Variants in NPAS2 observed in about 807,000 individuals in gnomAD.
The protein encoded by NPAS2 is neuronal PAS domain-containing protein 2.
Under a neutral mutation model 107.5 loss-of-function variants are expected in NPAS2, and 23 were observed. The observed-to-expected ratio is 0.21, with a 90% CI of 0.15 to 0.30. NPAS2 has a LOEUF of 0.30. Ranked by LOEUF, NPAS2 falls within the 10% of genes least tolerant of loss-of-function variation. The probability of loss-of-function intolerance (pLI) is 1.00; values close to 1 mark genes in which losing one functional copy is unlikely to be tolerated. For synonymous variants in NPAS2, 403 were observed against 417.5 expected (o/e 0.97, Z 0.42); for missense variants, 756 against 1,043.3 (o/e 0.72, Z 3.79).
intron 1 of NPAS2, among the ~76,000 whole-genome samples, chr2:100,893,772 C>A (rs1259828613): frequency 1.3e-5 from 2 of 152,216 alleles, no homozygotes; most frequent in Non-Finnish European, 2.9e-5. Context: ...TGAAACACAG[C>A]CATGCCCACT....
At chr2:100,933,180 A>T (rs1443140391) in intron 4 of NPAS2, among the ~76,000 whole-genome samples, 179 bp downstream of exon 4, 1 of 152,170 alleles carries the variant, frequency 6.6e-6, no homozygotes, top group Non-Finnish European at 1.5e-5. Flanking sequence ...TGTCAAGAAG[A>T]ATCCCAAAAT....
chr2:100,975,043 G>C (rs1194045323), intron 13 of NPAS2, 99 bp downstream of exon 13: 18 of 1,348,540 alleles, frequency 1.3e-5, no homozygotes, highest in Non-Finnish European at 1.8e-5. Flanking sequence ...AGGGCAGTCT[G>C]TGCCTCCGAC....
chr2:100,821,070 C>G, intron 1 of NPAS2: 4 of 1,304,220 alleles, frequency 3.1e-6, no homozygotes, highest in South Asian at 1.2e-5. Context: ...CCTTTCCCAG[C>G]CGAGGAGGGA....
In NPAS2 at chr2:100,993,436, AGGC is replaced by A. The variant is rs1466032831; in HGVS notation, c.2204_2206del (p.Ala735del). 2 of 1,613,468 alleles carry A rather than the reference AGGC, an allele frequency of 1.2e-6. No homozygotes were observed. Among genetic ancestry groups the A allele is most frequent in the Admixed American group, 1.7e-5 (1 of 59,958 alleles). On this transcript the variant is annotated inframe_deletion, in exon 20 of 21. Coordinates refer to ENST00000335681, the MANE Select transcript of NPAS2 (RefSeq NM_002518.4). ...CCGATGCCCGTCCTGCTGATGGGGC[AGGC>A]GGTGCTCCACCCCAGCTTCCCTGCC...
rs570193616 is a variant in NPAS2, at chr2:100,884,948, A to G, written c.-22-19785A>G. The stretch of plus-strand genomic sequence containing the variant: ...ATGGCCTAAGATCCTTTATATATAT[A>G]TATAATTTTTTTTTTTTTGAGACGG... On this transcript the variant is annotated intron_variant, in intron 1 of 20. Transcript: ENST00000335681. Among the ~76,000 whole-genome samples, 11 of 138,788 alleles carry G rather than the reference A, an allele frequency of 7.9e-5. No homozygotes were observed. In the South Asian group the frequency reaches 1.8e-3, roughly 23 times the overall value. 91.1% of individuals were successfully genotyped at this position (138,788 alleles called of 152,430 possible). A position where few individuals can be genotyped will look rare whatever the true frequency, so the allele number is the denominator to read the frequency against.
chr2:100,984,541 A>C (rs1219734902), intron 16 of NPAS2: 1 of 152,222 alleles, frequency 6.6e-6, no homozygotes, highest in East Asian at 1.9e-4. Flanking sequence ...CTAATGAAAA[A>C]TCATCTGTGA....
At chr2:100,898,325 T>C (rs755571430) in intron 1 of NPAS2, among the ~76,000 whole-genome samples, 1 of 152,168 alleles carries the variant, frequency 6.6e-6, no homozygotes, top group Non-Finnish European at 1.5e-5. Context: ...AGCAATGATA[T>C]TATGGGCATG....
chr2:100,954,058 C>A (rs189402961), intron 7 of NPAS2, among the ~76,000 whole-genome samples: 11 of 152,186 alleles, frequency 7.2e-5, no homozygotes, highest in African/African-American at 2.4e-4. Context: ...GCCGAGGGAA[C>A]CTTTATTGTC....
rs137918055 is a variant in NPAS2, at chr2:100,862,962, G to A, written c.-22-41771G>A. On this transcript the variant is annotated intron_variant, in intron 1 of 20. Transcript: ENST00000335681. ...GAGCTGTTAGTGAAATGGTGTTGTCGGGTCAGGAAGGAGTAAGCTCTGCCT... is the reference window on the plus strand; with the variant it reads ...GAGCTGTTAGTGAAATGGTGTTGTCAGGTCAGGAAGGAGTAAGCTCTGCCT... 3.9e-5 allele frequency among the ~76,000 whole-genome samples: 6 copies of A among 152,242 alleles called. No individual in the cohort carries two copies. The East Asian group carries it at 1.2e-3, about 29-fold the overall frequency.
intron 1 of NPAS2, among the ~76,000 whole-genome samples, chr2:100,872,409 G>A (rs2104579180): frequency 6.6e-6 from 1 of 152,276 alleles, no homozygotes; most frequent in East Asian, 1.9e-4. Context: ...GCCGTCAAAT[G>A]TAATTCATTA....
chr2:100,898,783 C>T (rs1444654295), intron 1 of NPAS2, among the ~76,000 whole-genome samples: 2 of 77,480 alleles, frequency 2.6e-5, no homozygotes, highest in East Asian at 8.6e-4. Context: ...ATGTCTTTCA[C>T]CTAAAAAAAA....
intron 1 of NPAS2, among the ~76,000 whole-genome samples, chr2:100,869,883 C>T (rs1679465138): frequency 6.6e-6 from 1 of 151,710 alleles, no homozygotes; most frequent in Non-Finnish European, 1.5e-5. Flanking sequence ...TGTTTGGCCC[C>T]AGCAGACTCC....
intron 1 of NPAS2, among the ~76,000 whole-genome samples, chr2:100,891,447 G>A (rs374883333): frequency 3.9e-5 from 6 of 152,192 alleles, no homozygotes; most frequent in Admixed American, 2.0e-4. Flanking sequence ...ACCTGTTCTC[G>A]TTCTAAAGTC....
chr2:100,836,558 G>C (rs1291487746), intron 1 of NPAS2, among the ~76,000 whole-genome samples: 1 of 152,180 alleles, frequency 6.6e-6, no homozygotes. Flanking sequence ...GATGACCTGT[G>C]GTAGGACCAA....
At chr2:100,944,782 A>G (rs550339925) in intron 5 of NPAS2, among the ~76,000 whole-genome samples, 6 of 152,218 alleles carry the variant, frequency 3.9e-5, no homozygotes, top group Admixed American at 3.9e-4. Flanking sequence ...CCCTACTTGC[A>G]TCCAGCGTTC....
intron 16 of NPAS2, chr2:100,986,681 AACTTTAGAGTCAACTG>A (rs1250978122): frequency 6.6e-6 from 1 of 152,220 alleles, no homozygotes; most frequent in South Asian, 2.1e-4. Flanking sequence ...TCTTTCTTAA[AACTTTAGAGTCAACTG>A]ACAGATTCCG....
Position 100,949,530 on chromosome 2 carries a change from C to G in NPAS2, c.598+50C>G, listed in dbSNP as rs747652213. The G allele has an allele frequency of 4.7e-6, 5 of 1,068,362 alleles. No individual in the cohort carries two copies. The East Asian group carries it at 9.5e-5, about 20-fold the overall frequency. The allele number at this position is 1,068,362 out of a possible 1,614,324, so 66.2% of individuals were successfully genotyped here. On this transcript the variant is annotated intron_variant, in intron 7 of 20. Coordinates refer to ENST00000335681, the MANE Select transcript of NPAS2 (RefSeq NM_002518.4). Reference sequence around the variant, plus strand: ...GTGACAGTGTCTTTTCTCATGCAAACGTGCACATGGGGGCATTAAGAATCG... The same window carrying G: ...GTGACAGTGTCTTTTCTCATGCAAAGGTGCACATGGGGGCATTAAGAATCG...
chr2:100,932,902 T>C lies in NPAS2; in HGVS notation c.182-8T>C, dbSNP rs747142826. On this transcript the variant is annotated splice_polypyrimidine_tract_variant and splice_region_variant and intron_variant, in intron 3 of 20. Transcript: ENST00000335681. Reference sequence around the variant, plus strand: ...GAATATAAAGGCTTATTTGTGTCTCTTTTCTAGAAGTCTCAGCGCAAACGG... The same window carrying C: ...GAATATAAAGGCTTATTTGTGTCTCCTTTCTAGAAGTCTCAGCGCAAACGG... 6.2e-6 allele frequency: 10 copies of C among 1,608,380 alleles called. No homozygotes were observed. The Admixed American group carries it at 1.5e-4, about 24-fold the overall frequency.
At chr2:100,821,189 A>G (rs550191049) in intron 1 of NPAS2, 93 of 1,303,892 alleles carry the variant, frequency 7.1e-5, no homozygotes, top group Non-Finnish European at 8.8e-5. Flanking sequence ...GCCACTCCTT[A>G]ATTGCTCAAG....
Sources: allele counts gnomAD v4.1 joint callset (sites outside exome capture counted in the v4.1 genomes callset), GRCh38; gene constraint gnomAD v4.1.1; transcripts MANE v1.5; gene names NCBI Gene and HGNC (gene_info 2026-07-23, HGNC 2026-07-21).